The following ACTN1 variants were observed in gnomAD, a reference collection of about 807,000 sequenced individuals.
ACTN1 encodes actinin alpha 1.
A neutral mutation model predicts 119.6 loss-of-function variants in ACTN1; 30 were observed. The observed-to-expected ratio is 0.25, with a 90% CI of 0.19 to 0.34. The LOEUF is 0.34. Ranked by LOEUF, ACTN1 falls within the 10% of genes least tolerant of loss-of-function variation. The pLI is 1.00. For missense variants in ACTN1, 764 were observed against 1,223.4 expected, an observed-to-expected ratio of 0.62 and a Z score of 5.60; for synonymous variants, 429 against 472.6, an observed-to-expected ratio of 0.91 and a Z score of 1.20.
intron 1 of ACTN1, among the ~76,000 whole-genome samples, chr14:68,967,968 C>T (rs2036758635): frequency 6.6e-6 from 1 of 152,204 alleles, no homozygotes; most frequent in Non-Finnish European, 1.5e-5. Context: ...CAAATTCACG[C>T]ACCTTTTCGT....
chr14:68,902,652 C>T, intron 7 of ACTN1, 90 bp from the exon 8 acceptor site: 1 of 1,102,442 alleles, frequency 9.1e-7, no homozygotes, highest in Non-Finnish European at 1.4e-6. Context: ...GCAGCACCAC[C>T]AAGTCTTCTT....
chr14:68,967,442 C>A (rs61687836), intron 1 of ACTN1, among the ~76,000 whole-genome samples: 2,708 of 152,304 alleles, frequency 0.018, 86 homozygotes, highest in African/African-American at 0.062. Flanking sequence ...CATCAGGGAG[C>A]TCCTGAAAGT....
At chr14:68,900,181 T>C (rs1053259140) in intron 8 of ACTN1, among the ~76,000 whole-genome samples, 1 of 152,052 alleles carries the variant, frequency 6.6e-6, no homozygotes, top group African/African-American at 2.4e-5. Context: ...CCATATGGTG[T>C]CTCTGGATCA....
At chr14:68,877,306 G>A in intron 20 of ACTN1, 66 bp from the exon 21 acceptor site, 1 of 1,588,358 alleles carries the variant, frequency 6.3e-7, no homozygotes, top group South Asian at 1.1e-5. Context: ...CATATGGACT[G>A]AAGACCCTGG....
intron 1 of ACTN1, among the ~76,000 whole-genome samples, chr14:68,929,413 G>C (rs1361015643): frequency 6.6e-6 from 1 of 151,810 alleles, no homozygotes; most frequent in Non-Finnish European, 1.5e-5. Flanking sequence ...TACCCCGGCA[G>C]GTTTGTGGCC....
chr14:68,959,214 C>CCT (rs2036448949), intron 1 of ACTN1, among the ~76,000 whole-genome samples: 1 of 152,204 alleles, frequency 6.6e-6, no homozygotes, highest in Non-Finnish European at 1.5e-5. Context: ...AGGACTTGTG[C>CCT]CTCTCTGAGG....
chr14:68,916,828 G>T (rs1175913680), intron 3 of ACTN1, among the ~76,000 whole-genome samples: 1 of 152,136 alleles, frequency 6.6e-6, no homozygotes, highest in Admixed American at 6.5e-5. Context: ...TGTTTACTGG[G>T]AACATGTTTC....
rs111972819 is a variant in ACTN1, at chr14:68,879,080, G to A, written c.2281-11C>T. The A allele has an allele frequency of 3.4e-4, 540 of 1,602,076 alleles. 2 individuals are homozygous for A. Among genetic ancestry groups the A allele is most frequent in the Non-Finnish European group, 4.2e-4 (493 of 1,173,092 alleles). On this transcript the variant is annotated splice_polypyrimidine_tract_variant and intron_variant, in intron 18 of 21. Coordinates refer to ENST00000394419, the MANE Select transcript of ACTN1 (RefSeq NM_001130004.2). The surrounding 1 kb of genome is among the most constrained non-coding windows in gnomAD (Gnocchi z 4.9). ...TGTGCCGGAGTGATCCTGGGGCCGCGGTGCGCCAGGCAGCGAGCCATGCGG... is the reference window on the plus strand; with the variant it reads ...TGTGCCGGAGTGATCCTGGGGCCGCAGTGCGCCAGGCAGCGAGCCATGCGG...
chr14:68,878,813 C>T lies in ACTN1; in HGVS notation c.2361+176G>A. The T allele has an allele frequency of 1.3e-6, 2 of 1,589,370 alleles. No individual in the cohort carries two copies. The highest frequency in any genetic ancestry group is 1.7e-6 in the Non-Finnish European group (2 of 1,175,408). On this transcript the variant is annotated intron_variant, in intron 19 of 21. Transcript: ENST00000394419. This position sits in a 1 kb window ranked among gnomAD's most constrained non-coding sequence, Gnocchi z 4.4. The stretch of plus-strand genomic sequence containing the variant: ...CCCAGTAGGTTGCCATGAAAGACAG[C>T]AGAGGGCAGAGGGTGGACCAGTGAT...
chr14:68,964,566 G>A (rs2036641388), intron 1 of ACTN1, among the ~76,000 whole-genome samples: 1 of 152,210 alleles, frequency 6.6e-6, no homozygotes, highest in African/African-American at 2.4e-5. Flanking sequence ...ACAGGGGTTA[G>A]CAGTGTGGAC....
At chr14:68,893,833 C>T in intron 8 of ACTN1, 86 bp from the exon 9 acceptor site, 1 of 1,285,596 alleles carries the variant, frequency 7.8e-7, no homozygotes. Context: ...AAGCCCCTCC[C>T]ATCCCTGCAG....
rs576185717 is a variant in ACTN1 at position 68,912,262 on chromosome 14, A to T, written c.341-20T>A. ...CGATTTCTACAGAAACAGCAGCAGC[A>T]CACATCAGAAAGGGCCTCAGCGGGG... On this transcript the variant is annotated intron_variant, in intron 3 of 21. Transcript: ENST00000394419. The T allele has an allele frequency of 1.9e-6, 3 of 1,609,204 alleles. No homozygotes were observed. Among genetic ancestry groups the T allele is most frequent in the Non-Finnish European group, 2.6e-6 (3 of 1,175,500 alleles).
chr14:68,943,685 T>C (rs905923556), intron 1 of ACTN1, among the ~76,000 whole-genome samples: 2 of 152,190 alleles, frequency 1.3e-5, no homozygotes, highest in Non-Finnish European at 2.9e-5. Flanking sequence ...TGGCTACCAT[T>C]ATAACCCTCA....
intron 6 of ACTN1, among the ~76,000 whole-genome samples, chr14:68,908,967 T>C (rs2033832980): frequency 6.6e-6 from 1 of 152,150 alleles, no homozygotes; most frequent in African/African-American, 2.4e-5. Context: ...ATATGCACTG[T>C]TTTCAATGAT....
chr14:68,953,885 CAA>C (rs756178152), intron 1 of ACTN1, among the ~76,000 whole-genome samples: 30 of 101,778 alleles, frequency 2.9e-4, no homozygotes, highest in Non-Finnish European at 2.3e-4. Context: ...GACTCTGTCT[CAA>C]AAAAAAAAAA....
intron 4 of ACTN1, among the ~76,000 whole-genome samples, chr14:68,911,770 G>A (rs1354644666): frequency 1.3e-5 from 2 of 152,154 alleles, no homozygotes; most frequent in South Asian, 2.1e-4. Flanking sequence ...TCTGTGAAAT[G>A]GCCACTAGAG....
intron 1 of ACTN1, among the ~76,000 whole-genome samples, chr14:68,960,830 T>C (rs2036511715): frequency 6.6e-6 from 1 of 152,076 alleles, no homozygotes; most frequent in African/African-American, 2.4e-5. Context: ...CCTGGCACTT[T>C]GGAAGGCCGA....
chr14:68,964,190 T>C (rs769543250), intron 1 of ACTN1, among the ~76,000 whole-genome samples: 35 of 152,190 alleles, frequency 2.3e-4, no homozygotes, highest in Non-Finnish European at 4.0e-4. Context: ...CTATTCCACC[T>C]ACACTTGAAG....
At chr14:68,928,307 T>C (rs1195497597) in intron 1 of ACTN1, among the ~76,000 whole-genome samples, 1 of 152,198 alleles carries the variant, frequency 6.6e-6, no homozygotes. Flanking sequence ...AACACACCTA[T>C]GTTTGCTCAG....
Sources: gnomAD v4.1 joint callset for allele counts (sites outside exome capture counted in the v4.1 genomes callset) on GRCh38, gnomAD v4.1.1 for gene constraint, Gnocchi (gnomAD v3.1) non-coding constraint, MANE v1.5 for transcripts, NCBI Gene and HGNC (gene_info 2026-07-23, HGNC 2026-07-21) for gene names.